Variants in NRXN1 observed in about 807,000 individuals in gnomAD.
The protein encoded by NRXN1 is neurexin 1.
Under a neutral mutation model 150.9 loss-of-function variants are expected in NRXN1, and 39 were observed. The observed-to-expected ratio is 0.26, with a 90% CI of 0.20 to 0.34. The LOEUF is 0.34. NRXN1 is among the 10% of genes least tolerant of loss of function. NRXN1 has a pLI of 1.00. For missense variants in NRXN1, 1,815 were observed against 1,949.9 expected, an observed-to-expected ratio of 0.93 and a Z score of 1.30; for synonymous variants, 924 against 757.0, an observed-to-expected ratio of 1.22 and a Z score of -3.62.
At chr2:50,244,468 TTC>T (rs754375013) in intron 17 of NRXN1, among the ~76,000 whole-genome samples, 2 of 151,940 alleles carry the variant, frequency 1.3e-5, no homozygotes, top group African/African-American at 2.4e-5. Context: ...GAATAAGTTA[TTC>T]TCTTTTTTTT....
At chr2:50,323,818 G>A (rs1386664797) in intron 17 of NRXN1, among the ~76,000 whole-genome samples, 1 of 152,006 alleles carries the variant, frequency 6.6e-6, no homozygotes, top group African/African-American at 2.4e-5. Context: ...AGAAAACATA[G>A]GAAACGACAA....
At chr2:50,493,946 G>A (rs1300718856) in intron 15 of NRXN1, among the ~76,000 whole-genome samples, 2 of 151,872 alleles carry the variant, frequency 1.3e-5, no homozygotes, top group African/African-American at 4.8e-5. Context: ...CTTTATTATG[G>A]GCAAAGCCTG....
chr2:50,445,097 T>C (rs1285222792), intron 17 of NRXN1, among the ~76,000 whole-genome samples: 1 of 152,174 alleles, frequency 6.6e-6, no homozygotes, highest in African/African-American at 2.4e-5. Flanking sequence ...TTCCACATTT[T>C]ACCCCACTAA....
chr2:50,651,403 A>T (rs1248798933), intron 5 of NRXN1, among the ~76,000 whole-genome samples: 2 of 151,988 alleles, frequency 1.3e-5, no homozygotes, highest in African/African-American at 4.8e-5. Flanking sequence ...ACTTAAGCTC[A>T]GGAGCTCAAG....
intron 18 of NRXN1, among the ~76,000 whole-genome samples, chr2:50,113,160 G>A (rs932985268): frequency 6.6e-6 from 1 of 152,056 alleles, no homozygotes; most frequent in Non-Finnish European, 1.5e-5. Context: ...CCTATCATCT[G>A]GCATAAACCT....
At chr2:50,252,233 CT>C (rs55993018) in intron 17 of NRXN1, among the ~76,000 whole-genome samples, 47,163 of 94,776 alleles carry the variant, frequency 0.5, 9,823 homozygotes, top group East Asian at 0.65. Context: ...ACATTTTGTC[CT>C]TTTTTTTTTT....
intron 17 of NRXN1, among the ~76,000 whole-genome samples, chr2:50,335,911 C>G (rs1156722092): frequency 6.7e-6 from 1 of 149,120 alleles, no homozygotes; most frequent in Non-Finnish European, 1.5e-5. Flanking sequence ...TTTTCCAGAG[C>G]AGAAAAGACC....
chr2:49,929,720 T>C (rs1462500516), intron 22 of NRXN1, among the ~76,000 whole-genome samples: 3 of 152,228 alleles, frequency 2.0e-5, no homozygotes, highest in African/African-American at 7.2e-5. Context: ...CCATCTTTTA[T>C]GATTTTTTTT....
At chr2:50,490,861 G>A (rs1047584320) in intron 15 of NRXN1, among the ~76,000 whole-genome samples, 1 of 152,066 alleles carries the variant, frequency 6.6e-6, no homozygotes, top group Non-Finnish European at 1.5e-5. Context: ...ACAGCTGAAA[G>A]GGTTTCTTGT....
chr2:50,494,682 C>A (rs748469089), intron 15 of NRXN1, among the ~76,000 whole-genome samples: 3 of 152,132 alleles, frequency 2.0e-5, no homozygotes, highest in African/African-American at 7.2e-5. Flanking sequence ...TTACAGAAAG[C>A]AAAACACTTT....
At position 50,329,578 on chromosome 2, in the gene NRXN1, A is replaced by AGTGTGTGTGT. The variant is rs55865684; in HGVS notation, c.3365-92618_3365-92609dup. ...AGATTAAACTATCATATATAACAGT[A>AGTGTGTGTGT]GTGTGTGTGTGTGTGTGTGTGTGTG... is the stretch of plus-strand genomic sequence containing the variant. On this transcript the variant is annotated intron_variant, in intron 17 of 22. Coordinates refer to ENST00000401669, the MANE Select transcript of NRXN1 (RefSeq NM_001330078.2). 5.5e-3 allele frequency among the ~76,000 whole-genome samples: 188 copies of AGTGTGTGTGT among 33,932 alleles called. 6 individuals are homozygous for AGTGTGTGTGT. Among genetic ancestry groups the AGTGTGTGTGT allele is most frequent in the East Asian group, 0.023 (15 of 644 alleles). 22.3% of individuals were successfully genotyped at this position (33,932 alleles called of 152,430 possible).
chr2:50,989,899 T>C (rs1158321318), intron 2 of NRXN1, among the ~76,000 whole-genome samples: 1 of 152,036 alleles, frequency 6.6e-6, no homozygotes, highest in Non-Finnish European at 1.5e-5. Context: ...TTAATGGTTT[T>C]CCCAAAACAA....
At chr2:50,987,103 T>C (rs544112291) in intron 2 of NRXN1, among the ~76,000 whole-genome samples, 1 of 151,984 alleles carries the variant, frequency 6.6e-6, no homozygotes, top group East Asian at 1.9e-4. Flanking sequence ...GAGAAAACTT[T>C]TAAAAAACAA....
intron 5 of NRXN1, among the ~76,000 whole-genome samples, chr2:50,718,869 CCCTT>C (rs1696223705): frequency 6.6e-6 from 1 of 152,034 alleles, no homozygotes; most frequent in Non-Finnish European, 1.5e-5. Context: ...CATCTCTTCT[CCCTT>C]CTTTCTTTCT....
chr2:50,560,675 G>A (rs759355124), intron 8 of NRXN1, among the ~76,000 whole-genome samples: 9 of 152,064 alleles, frequency 5.9e-5, no homozygotes, highest in East Asian at 1.9e-4. Context: ...CAAGTGATCC[G>A]CCTGCTTTGG....
rs556188791 is a variant in NRXN1 at position 50,918,550 on chromosome 2, T to C, written c.832+3319A>G. ...ATTATTAACTTGTGCTCCTGAGCTA[T>C]TAACCAGCTATTATGGCTTGATTTT... On this transcript the variant is annotated intron_variant, in intron 5 of 22. Coordinates refer to ENST00000401669, the MANE Select transcript of NRXN1 (RefSeq NM_001330078.2). 11 of 373,278 alleles carry C rather than the reference T, an allele frequency of 2.9e-5. No individual in the cohort carries two copies. The South Asian group carries it at 1.3e-3, about 45-fold the overall frequency. The allele number at this position is 373,278 out of a possible 1,614,324, so 23.1% of individuals were successfully genotyped here. A position where few individuals can be genotyped will look rare whatever the true frequency, so the allele number is the denominator to read the frequency against.
intron 5 of NRXN1, among the ~76,000 whole-genome samples, chr2:50,776,325 T>C (rs1703629841): frequency 6.6e-6 from 1 of 152,110 alleles, no homozygotes; most frequent in Admixed American, 6.6e-5. Flanking sequence ...AATTGACATG[T>C]TATCATTTAT....
chr2:50,202,854 C>A (rs1409212031), intron 18 of NRXN1, among the ~76,000 whole-genome samples: 1 of 150,624 alleles, frequency 6.6e-6, no homozygotes, highest in Non-Finnish European at 1.5e-5. Flanking sequence ...TGGAACTGAT[C>A]CACATTTTTT....
At chr2:50,137,698 G>T (rs73932948) in intron 18 of NRXN1, among the ~76,000 whole-genome samples, 1 of 152,058 alleles carries the variant, frequency 6.6e-6, no homozygotes, top group Non-Finnish European at 1.5e-5. Flanking sequence ...CCTGCCTGCC[G>T]CTCATAAAAT....
Sources: gnomAD v4.1 joint callset for allele counts (sites outside exome capture counted in the v4.1 genomes callset) on GRCh38, gnomAD v4.1.1 for gene constraint, MANE v1.5 for transcripts, NCBI Gene and HGNC (gene_info 2026-07-23, HGNC 2026-07-21) for gene names.